ZZZ3: variants seen among roughly 807,000 people sequenced by gnomAD.
The protein encoded by ZZZ3 is zinc finger ZZ-type containing 3.
ZZZ3 carries 22 observed loss-of-function variants against 95.2 expected under a neutral mutation model. The ratio of observed to expected loss-of-function variants is 0.23; its 90% CI spans 0.17 to 0.33. The LOEUF is 0.33. Ranked by LOEUF, ZZZ3 falls within the 10% of genes least tolerant of loss-of-function variation. The pLI is 1.00. For synonymous variants in ZZZ3, 335 were observed against 358.9 expected (o/e 0.93, Z 0.75); for missense variants, 885 against 1,066.5 (o/e 0.83, Z 2.37).
chr1:77,575,305 C>G (rs1351289589), intron 12 of ZZZ3, among the ~76,000 whole-genome samples: 2 of 152,146 alleles, frequency 1.3e-5, no homozygotes, highest in Non-Finnish European at 2.9e-5. Flanking sequence ...AATAGTCCAG[C>G]AAGTAAATGA....
At chr1:77,668,729 T>C (rs753058168) in intron 1 of ZZZ3, among the ~76,000 whole-genome samples, 2 of 151,300 alleles carry the variant, frequency 1.3e-5, no homozygotes, top group African/African-American at 2.4e-5. Context: ...TCCAAGTCCA[T>C]GTTCTTTTTA....
In ZZZ3 at chr1:77,645,021, CGA is replaced by C. The variant is rs539835209; in HGVS notation, c.-402-3368_-402-3367del. Among the ~76,000 whole-genome samples, 14 of 151,936 alleles carry C rather than the reference CGA, an allele frequency of 9.2e-5. No homozygotes were observed. In the South Asian group the frequency reaches 2.9e-3, roughly 32 times the overall value. The stretch of plus-strand genomic sequence containing the variant: ...AAGGATCACTTTGAGGCCAGGAGTT[CGA>C]GACCAGCTTGGGTAACTTGGCAAGA... On this transcript the variant is annotated intron_variant, in intron 1 of 14. Coordinates refer to ENST00000370801, the MANE Select transcript of ZZZ3 (RefSeq NM_015534.6).
At chr1:77,580,297 A>T (rs1428598903) in intron 9 of ZZZ3, 1 of 152,194 alleles carries the variant, frequency 6.6e-6, no homozygotes, top group Admixed American at 6.5e-5. Context: ...TAGCCAAAAA[A>T]CAATTCTAAA....
intron 6 of ZZZ3, 125 bp from the exon 7 acceptor site, chr1:77,582,251 G>T: frequency 1.3e-6 from 1 of 747,558 alleles, no homozygotes; most frequent in Non-Finnish European, 2.0e-6. Flanking sequence ...TTCTATTCAT[G>T]TTTAAATCCA....
At chr1:77,600,000 T>C (rs1005620937) in intron 5 of ZZZ3, among the ~76,000 whole-genome samples, 7 of 152,100 alleles carry the variant, frequency 4.6e-5, no homozygotes, top group Admixed American at 4.6e-4. Flanking sequence ...ATCCTGAAAA[T>C]ATAGCCATTC....
intron 1 of ZZZ3, among the ~76,000 whole-genome samples, chr1:77,664,455 C>T (rs1671085538): frequency 6.6e-6 from 1 of 152,146 alleles, no homozygotes; most frequent in Admixed American, 6.5e-5. Flanking sequence ...TCTATATTCC[C>T]CATTCAATTA....
intron 5 of ZZZ3, among the ~76,000 whole-genome samples, chr1:77,630,806 T>C (rs980559038): frequency 6.6e-6 from 1 of 152,140 alleles, no homozygotes; most frequent in Admixed American, 6.5e-5. Context: ...AAAAAAAATA[T>C]TATGTCCCAC....
At chr1:77,583,268 T>G (rs1182660031) in intron 6 of ZZZ3, among the ~76,000 whole-genome samples, 1 of 152,142 alleles carries the variant, frequency 6.6e-6, no homozygotes. Context: ...GGTTAACAAA[T>G]TTTTCATTAG....
intron 12 of ZZZ3, among the ~76,000 whole-genome samples, chr1:77,574,103 T>C (rs1312546289): frequency 6.7e-6 from 1 of 148,446 alleles, no homozygotes; most frequent in East Asian, 1.9e-4. Flanking sequence ...TATATATATA[T>C]CTATAGATAT....
At chr1:77,615,397 T>C (rs1193686114) in intron 5 of ZZZ3, among the ~76,000 whole-genome samples, 2 of 152,160 alleles carry the variant, frequency 1.3e-5, no homozygotes, top group African/African-American at 4.8e-5. Context: ...AAGTACATCA[T>C]AGAAACAAAC....
At chr1:77,666,154 A>C (rs1178518580) in intron 1 of ZZZ3, among the ~76,000 whole-genome samples, 1 of 152,250 alleles carries the variant, frequency 6.6e-6, no homozygotes, top group African/African-American at 2.4e-5. Flanking sequence ...AATTAAGTTA[A>C]GCAGCAGTAG....
intron 1 of ZZZ3, among the ~76,000 whole-genome samples, chr1:77,659,844 GTTTTT>G (rs1670630681): frequency 6.6e-6 from 1 of 151,708 alleles, no homozygotes; most frequent in African/African-American, 2.4e-5. Flanking sequence ...TTGTTTGTTT[GTTTTT>G]GAGTCAGGAT....
intron 5 of ZZZ3, among the ~76,000 whole-genome samples, chr1:77,613,855 C>T (rs1666052262): frequency 6.6e-6 from 1 of 152,010 alleles, no homozygotes; most frequent in Non-Finnish European, 1.5e-5. Flanking sequence ...TAAGCATAGT[C>T]TATAATACAT....
At position 77,631,851 on chromosome 1, in the gene ZZZ3, C is replaced by G; in HGVS notation, c.1504G>C (p.Asp502His). 1 of 1,575,768 alleles carries G rather than the reference C, an allele frequency of 6.3e-7. No individual in the cohort carries two copies. Among genetic ancestry groups the G allele is most frequent in the Non-Finnish European group, 8.6e-7 (1 of 1,159,608 alleles). ...SDHVALKHNK[D>H]YQRLLQTIAV... ...CATGGTTACCATATTTACACATACT[C>G]TTTGTTGTGTTTCAGTGCCACATGA... The change falls in exon 5 of 15, where the codon GAT becomes CAT. Residue 502 changes from aspartate (D) to histidine (H), a missense_variant and splice_region_variant. Physicochemically the swap from Asp to His is moderately conservative, Grantham distance 81. This residue lies in a region of ZZZ3 where 556 missense variants were observed against 652.9 expected (regional missense o/e 0.85). Coordinates refer to ENST00000370801, the MANE Select transcript of ZZZ3 (RefSeq NM_015534.6).
intron 5 of ZZZ3, among the ~76,000 whole-genome samples, chr1:77,597,951 A>C (rs1340724463): frequency 1.3e-5 from 2 of 152,182 alleles, no homozygotes; most frequent in Middle Eastern, 3.2e-3. Flanking sequence ...ATAATACAGG[A>C]AATTGGGTAT....
At chr1:77,602,571 G>C (rs1263248735) in intron 5 of ZZZ3, among the ~76,000 whole-genome samples, 1 of 150,058 alleles carries the variant, frequency 6.7e-6, no homozygotes, top group African/African-American at 2.5e-5. Flanking sequence ...GAAAACAGAT[G>C]CAGGTCCAGA....
intron 5 of ZZZ3, among the ~76,000 whole-genome samples, chr1:77,613,564 C>A (rs1046735274): frequency 1.3e-5 from 2 of 151,646 alleles, no homozygotes; most frequent in Non-Finnish European, 2.9e-5. Context: ...ACTGAGGAAC[C>A]AAAATGTCTC....
At chr1:77,668,691 C>T (rs1671471425) in intron 1 of ZZZ3, among the ~76,000 whole-genome samples, 1 of 150,662 alleles carries the variant, frequency 6.6e-6, no homozygotes, top group African/African-American at 2.4e-5. Flanking sequence ...AGTGCTAGAG[C>T]CAGGATTTAA....
chr1:77,578,318 C>T (rs977495681), intron 11 of ZZZ3, among the ~76,000 whole-genome samples: 2 of 152,250 alleles, frequency 1.3e-5, no homozygotes, highest in East Asian at 1.9e-4. Flanking sequence ...AAGTGTTCCT[C>T]GTGCCTCAGC....
Sources: allele counts gnomAD v4.1 joint callset (sites outside exome capture counted in the v4.1 genomes callset), GRCh38; gene constraint gnomAD v4.1.1; regional missense constraint gnomAD v4.1.1; transcripts MANE v1.5; gene names NCBI Gene and HGNC (gene_info 2026-07-23, HGNC 2026-07-21).